Variants in CLEC12A observed in about 807,000 individuals in gnomAD.
CLEC12A encodes the protein C-type lectin protein CLL-1.
CLEC12A carries 22 observed loss-of-function variants against 26.5 expected under a neutral mutation model. The observed-to-expected ratio is 0.83, with a 90% CI of 0.59 to 1.19. The LOEUF (loss-of-function observed/expected upper bound fraction) is 1.19, where lower values mean the gene tolerates loss of function less well. CLEC12A is among the 50% of genes most tolerant of loss of function. The pLI is 0.00. For missense variants in CLEC12A, 353 were observed against 315.6 expected, an observed-to-expected ratio of 1.12 and a Z score of -0.90; for synonymous variants, 119 against 101.9, an observed-to-expected ratio of 1.17 and a Z score of -1.01.
intron 1 of CLEC12A, among the ~76,000 whole-genome samples, chr12:9,958,855 T>C (rs891506906): frequency 6.6e-6 from 1 of 152,146 alleles, no homozygotes; most frequent in Admixed American, 6.5e-5. Context: ...CCCATATAGA[T>C]TAAGTAAATT....
intron 5 of CLEC12A, 131 bp from the exon 6 acceptor site, chr12:9,984,739 T>C: frequency 1.2e-6 from 1 of 804,600 alleles, no homozygotes; most frequent in Non-Finnish European, 1.7e-6. Context: ...ACTCTGAACA[T>C]TAAATTAGAT....
intron 1 of CLEC12A, among the ~76,000 whole-genome samples, chr12:9,974,340 G>A (rs375193302): frequency 9.2e-5 from 14 of 152,114 alleles, no homozygotes; most frequent in African/African-American, 3.1e-4. Flanking sequence ...CCTGGGTCCC[G>A]TTTTATTGCA....
chr12:9,966,898 A>T (rs71441778), upstream of CLEC12A, among the ~76,000 whole-genome samples: 16,986 of 63,184 alleles, frequency 0.27, 3,104 homozygotes, highest in South Asian at 0.37. Context: ...GGGCTGGGTT[A>T]TTATATTTGA....
Position 9,985,424 on chromosome 12 carries a change from G to A in CLEC12A, c.*398G>A, listed in dbSNP as rs1237286538. ...CTAGGGTGGCATGGCTCCCCATCTCGGGTCCATCCTATACTTCCATGGGAC... is the reference window on the plus strand; with the variant it reads ...CTAGGGTGGCATGGCTCCCCATCTCAGGTCCATCCTATACTTCCATGGGAC... On this transcript the variant is annotated 3_prime_UTR_variant, in exon 6 of 6. Transcript: ENST00000304361. The A allele has an allele frequency of 2.2e-5, 9 of 400,610 alleles. No homozygotes were observed. The highest frequency in any genetic ancestry group is 6.2e-4 in the Middle Eastern group (1 of 1,610). The allele number at this position is 400,610 out of a possible 1,614,324, so 24.8% of individuals were successfully genotyped here. A position where few individuals can be genotyped will look rare whatever the true frequency, so the allele number is the denominator to read the frequency against.
At chr12:9,973,838 C>T (rs879297622) in intron 1 of CLEC12A, among the ~76,000 whole-genome samples, 2 of 148,998 alleles carry the variant, frequency 1.3e-5, no homozygotes, top group Non-Finnish European at 3.0e-5. Context: ...ATTATTCTCT[C>T]TTCCTTCTCT....
intron 1 of CLEC12A, among the ~76,000 whole-genome samples, chr12:9,977,813 C>A (rs1864396877): frequency 6.6e-6 from 1 of 151,880 alleles, no homozygotes; most frequent in South Asian, 2.1e-4. Flanking sequence ...TTGTTAGCAC[C>A]CAGGATAATG....
At chr12:9,990,172 C>T (rs1459883577), downstream of CLEC12A, among the ~76,000 whole-genome samples, 1 of 152,110 alleles carries the variant, frequency 6.6e-6, no homozygotes. Flanking sequence ...CTGCAACCAA[C>T]AAATCAAGGA....
downstream of CLEC12A, among the ~76,000 whole-genome samples, chr12:9,989,776 C>T (rs1864852236): frequency 6.6e-6 from 1 of 152,112 alleles, no homozygotes; most frequent in African/African-American, 2.4e-5. Flanking sequence ...GATTTTTATA[C>T]CTAGAGAGGA....
the CLEC12A span, among the ~76,000 whole-genome samples, chr12:10,000,884 A>G: frequency 6.6e-6 from 1 of 152,146 alleles, no homozygotes; most frequent in Non-Finnish European, 1.5e-5. Flanking sequence ...GCTTTCCTTC[A>G]GTGTTTTGTT....
At chr12:9,980,787 GAGA>G in intron 4 of CLEC12A, 54 bp downstream of exon 4, 1 of 1,575,242 alleles carries the variant, frequency 6.3e-7, no homozygotes, top group Middle Eastern at 1.7e-4. Flanking sequence ...TGGCATGTTG[GAGA>G]AGACTTCAAT....
At chr12:9,958,072 T>C (rs1224471436) in intron 1 of CLEC12A, among the ~76,000 whole-genome samples, 1 of 152,214 alleles carries the variant, frequency 6.6e-6, no homozygotes, top group East Asian at 1.9e-4. Flanking sequence ...TCCTGGAAGG[T>C]AGTCAATGTG....
chr12:9,987,020 A>G (rs2137216881), downstream of CLEC12A, among the ~76,000 whole-genome samples: 1 of 152,322 alleles, frequency 6.6e-6, no homozygotes, highest in East Asian at 1.9e-4. Flanking sequence ...CACAATCCAA[A>G]TTTTAGAACT....
chr12:10,001,940 C>T, the CLEC12A span, among the ~76,000 whole-genome samples: 2 of 144,684 alleles, frequency 1.4e-5, no homozygotes, highest in Non-Finnish European at 3.0e-5. Flanking sequence ...AGTGCAGTGG[C>T]GCCATCTTGG....
chr12:9,964,376 G>A (rs571967176), intron 1 of CLEC12A, among the ~76,000 whole-genome samples: 41 of 152,286 alleles, frequency 2.7e-4, no homozygotes, highest in South Asian at 1.7e-3. Flanking sequence ...GAGTTTGTTC[G>A]CTAAGGAGGG....
At chr12:10,002,387 T>G in the CLEC12A span, among the ~76,000 whole-genome samples, 4 of 151,698 alleles carry the variant, frequency 2.6e-5, no homozygotes, top group Admixed American at 6.6e-5. Context: ...TGAAGCAGAG[T>G]GTTAGATTTT....
intron 1 of CLEC12A, among the ~76,000 whole-genome samples, chr12:9,976,223 A>G (rs574445700): frequency 6.6e-6 from 1 of 152,276 alleles, no homozygotes; most frequent in South Asian, 2.1e-4. Context: ...AGCTCTCAGA[A>G]TGGTAGATCC....
At chr12:9,953,649 G>C (rs1413270357) in intron 1 of CLEC12A, among the ~76,000 whole-genome samples, 27 of 145,630 alleles carry the variant, frequency 1.9e-4, no homozygotes, top group African/African-American at 5.3e-4. Context: ...CCTCTGCCCG[G>C]CCGCCCCTAC....
intron 4 of CLEC12A, among the ~76,000 whole-genome samples, chr12:9,994,600 T>C (rs1591848281): frequency 6.6e-6 from 1 of 152,164 alleles, no homozygotes; most frequent in South Asian, 2.1e-4. Flanking sequence ...GGATTGTTTG[T>C]AGAAGGACAA....
intron 4 of CLEC12A, among the ~76,000 whole-genome samples, chr12:9,994,518 A>T (rs1298527325): frequency 6.6e-6 from 1 of 152,278 alleles, no homozygotes; most frequent in Non-Finnish European, 1.5e-5. Context: ...GGATGAACAA[A>T]AGATGTTGAG....
Sources: gnomAD v4.1 joint callset for allele counts (sites outside exome capture counted in the v4.1 genomes callset) on GRCh38, gnomAD v4.1.1 for gene constraint, MANE v1.5 for transcripts, NCBI Gene and HGNC (gene_info 2026-07-23, HGNC 2026-07-21) for gene names.